FAM91A1: variants seen among roughly 807,000 people sequenced by gnomAD.
FAM91A1 encodes the protein protein FAM91A1.
FAM91A1 carries 41 observed loss-of-function variants against 113.5 expected under a neutral mutation model. The observed-to-expected ratio is 0.36, with a 90% confidence interval of 0.28 to 0.47. The LOEUF (loss-of-function observed/expected upper bound fraction) is 0.47. Ranked by LOEUF, FAM91A1 falls within the 20% of genes least tolerant of loss-of-function variation. The pLI is 1.00. For missense variants in FAM91A1, 696 were observed against 1,001.2 expected, an observed-to-expected ratio of 0.70 and a Z score of 4.11; for synonymous variants, 307 against 347.9, an observed-to-expected ratio of 0.88 and a Z score of 1.31.
At chr8:123,807,140 G>A (rs1213948975) in intron 20 of FAM91A1, among the ~76,000 whole-genome samples, 2 of 151,940 alleles carry the variant, frequency 1.3e-5, no homozygotes, top group Non-Finnish European at 2.9e-5. Context: ...AGATTGGGTT[G>A]GCTCCCATTG....
rs114914851 is a variant in FAM91A1, at chr8:123,814,551, T to C, written c.*1847T>C. The C allele has an allele frequency of 0.013, 2,108 of 158,978 alleles. 36 individuals are homozygous for C. The highest frequency in any genetic ancestry group is 0.028 in the Middle Eastern group (9 of 320). 9.8% of individuals were successfully genotyped at this position (158,978 alleles called of 1,614,324 possible). On this transcript the variant is annotated 3_prime_UTR_variant, in exon 24 of 24. Coordinates refer to ENST00000334705, the MANE Select transcript of FAM91A1 (RefSeq NM_144963.4). ...ATATGGGAATGATTTGCTGCTATAT[T>C]TCCTTTGAGAGAGAAAGGAGGAAGA...
chr8:123,808,317 A>T lies in FAM91A1; in HGVS notation c.2078A>T (p.Glu693Val). ...GGCTCAGATGTAAATGGGAGTACAG[A>T]GTCATTTGAAATGGTCATTGAGGAA... ...ASGSDVNGST[E>V]SFEMVIEEAT... The change falls in exon 21 of 24, where the codon GAG (glutamate) becomes GTG (valine). Residue 693 changes from glutamate to valine, a missense_variant. Transcript: ENST00000334705. 1 of 1,613,542 alleles carries T rather than the reference A, an allele frequency of 6.2e-7. No individual in the cohort carries two copies. The highest frequency in any genetic ancestry group is 8.5e-7 in the Non-Finnish European group (1 of 1,179,686).
rs537324128 is a variant in FAM91A1, at chr8:123,798,110, C to G, written c.1432C>G (p.Arg478Gly). The G allele has an allele frequency of 2.5e-6, 4 of 1,613,458 alleles. No individual in the cohort carries two copies. Among genetic ancestry groups the G allele is most frequent in the Non-Finnish European group, 3.4e-6 (4 of 1,179,792 alleles). ...CTCAGGTTTTCCTCTGGATCTCTTA[C>G]GCTGTGAAAGCCTTCTTGGTTTGGA... is the stretch of plus-strand genomic sequence containing the variant. ...PNYGFPLDLL[R>G]CESLLGLDPA... Residue 478 changes from arginine to glycine, a missense_variant, in exon 16 of 24, where the codon CGC (arginine) becomes GGC (glycine). Transcript: ENST00000334705.
At position 123,815,190 on chromosome 8, in the gene FAM91A1, T is replaced by C. The variant is rs1816044841; in HGVS notation, c.*2486T>C. ...AATCAGATGATTTTATGTTTTTTTT[T>C]CAGGGGAGCGGAATATTGGTTTCTT... On this transcript the variant is annotated 3_prime_UTR_variant, in exon 24 of 24. Transcript: ENST00000334705. The C allele has an allele frequency of 1.3e-5, 2 of 152,630 alleles. No homozygotes were observed. The highest frequency in any genetic ancestry group is 2.1e-4 in the South Asian group (1 of 4,834). The allele number at this position is 152,630 out of a possible 1,614,324, so 9.5% of individuals were successfully genotyped here. A position where few individuals can be genotyped will look rare whatever the true frequency, so the allele number is the denominator to read the frequency against.
At chr8:123,771,744 A>C (rs868799933) in intron 1 of FAM91A1, among the ~76,000 whole-genome samples, 2 of 152,270 alleles carry the variant, frequency 1.3e-5, no homozygotes, top group East Asian at 3.9e-4. Flanking sequence ...GATGCGGCAC[A>C]GGGGTGTACT....
intron 8 of FAM91A1, among the ~76,000 whole-genome samples, chr8:123,782,203 A>G (rs577817409): frequency 6.6e-6 from 1 of 152,220 alleles, no homozygotes; most frequent in Admixed American, 6.5e-5. Context: ...GTGTTCTACC[A>G]TACTTCACTT....
intron 3 of FAM91A1, among the ~76,000 whole-genome samples, 165 bp downstream of exon 3, chr8:123,775,463 A>C (rs1230085568): frequency 6.6e-6 from 1 of 152,238 alleles, no homozygotes; most frequent in Non-Finnish European, 1.5e-5. Context: ...TTTGAGCCAC[A>C]CTGTACAAGT....
chr8:123,799,838 C>T lies in FAM91A1; in HGVS notation c.1762C>T (p.Leu588Phe), dbSNP rs1396715431. ...TGGAGTAGTTCCTACCTCAAATGTG[C>T]TCACGATGTTGAATGATGCTTTAAC... ...DPGVVPTSNV[L>F]TMLNDALTHS... Residue 588 changes from leucine to phenylalanine, a missense_variant, in exon 18 of 24, where the codon CTC becomes TTC. Coordinates refer to ENST00000334705, the MANE Select transcript of FAM91A1 (RefSeq NM_144963.4). 1 of 1,608,520 alleles carries T rather than the reference C, an allele frequency of 6.2e-7. No homozygotes were observed. Among genetic ancestry groups the T allele is most frequent in the Non-Finnish European group, 8.5e-7 (1 of 1,175,638 alleles).
rs776937356 is a variant in FAM91A1 at position 123,777,333 on chromosome 8, A to T, written c.367+11A>T. The T allele has an allele frequency of 6.8e-6, 11 of 1,609,798 alleles. No individual in the cohort carries two copies. Among genetic ancestry groups the T allele is most frequent in the Non-Finnish European group, 8.5e-6 (10 of 1,177,516 alleles). ...TTACTGCTGCTGACTGTAAGTATTT[A>T]ATTGTGCTGAAGAAGGTAATGTTTA... On this transcript the variant is annotated intron_variant, in intron 4 of 23. Coordinates refer to ENST00000334705, the MANE Select transcript of FAM91A1 (RefSeq NM_144963.4).
chr8:123,774,738 G>A lies in FAM91A1; in HGVS notation c.158-409G>A, dbSNP rs530825342. On this transcript the variant is annotated intron_variant, in intron 2 of 23. Transcript: ENST00000334705. The stretch of plus-strand genomic sequence containing the variant: ...TCATGAACATTTTCCATGAAAGTCA[G>A]AGGGCTTTTTACATTTAAAAACTAA... Among the ~76,000 whole-genome samples the A allele has an allele frequency of 2.6e-5, 4 of 152,206 alleles. No homozygotes were observed. In the South Asian group the frequency reaches 8.3e-4, roughly 32 times the overall value.
intron 20 of FAM91A1, among the ~76,000 whole-genome samples, chr8:123,807,299 T>G (rs1276060036): frequency 6.6e-6 from 1 of 152,026 alleles, no homozygotes; most frequent in Non-Finnish European, 1.5e-5. Flanking sequence ...TGTCATTCAT[T>G]CCACAAACAT....
At chr8:123,791,653 CT>C (rs1293655704) in intron 15 of FAM91A1, among the ~76,000 whole-genome samples, 6 of 152,120 alleles carry the variant, frequency 3.9e-5, no homozygotes, top group Admixed American at 1.3e-4. Context: ...ACCAGCATTT[CT>C]TAGCTTAGCT....
rs537151079 is a variant in FAM91A1, at chr8:123,805,140, TGAAA to T, written c.1810-123_1810-120del. ...TTGCTGAAGAAAAATAGAAAATTGT[TGAAA>T]GAATTTTGATGAGGTATTAATATGG... On this transcript the variant is annotated intron_variant, in intron 18 of 23. Coordinates refer to ENST00000334705, the MANE Select transcript of FAM91A1 (RefSeq NM_144963.4). 8.4e-5 allele frequency: 57 copies of T among 675,968 alleles called. No individual in the cohort carries two copies. In the African/African-American group the frequency reaches 9.2e-4, roughly 11 times the overall value. The allele number at this position is 675,968 out of a possible 1,614,324, so 41.9% of individuals were successfully genotyped here. A position where few individuals can be genotyped will look rare whatever the true frequency, so the allele number is the denominator to read the frequency against.
At chr8:123,787,113 G>A (rs958233913) in intron 12 of FAM91A1, 148 bp from the exon 13 acceptor site, 5 of 605,348 alleles carry the variant, frequency 8.3e-6, no homozygotes, top group African/African-American at 7.4e-5. Context: ...AATAGGTATG[G>A]CTGGAACTTC....
At chr8:123,802,445 T>C (rs930640750) in intron 18 of FAM91A1, among the ~76,000 whole-genome samples, 2 of 151,986 alleles carry the variant, frequency 1.3e-5, no homozygotes, top group Non-Finnish European at 2.9e-5. Context: ...CAGGAGGTGG[T>C]GATATCACTA....
At position 123,805,981 on chromosome 8, in the gene FAM91A1, T is replaced by C. The variant is rs748449700; in HGVS notation, c.1883-99T>C. On this transcript the variant is annotated intron_variant, in intron 19 of 23. Coordinates refer to ENST00000334705, the MANE Select transcript of FAM91A1 (RefSeq NM_144963.4). ...GAATCAATTATGATGTATTAAAGTA[T>C]AAAAGTAGTTCTAAGAGTTGTTTAA... 2.6e-4 allele frequency: 308 copies of C among 1,186,846 alleles called. 2 individuals carry two copies. The highest frequency in any genetic ancestry group is 3.1e-4 in the Non-Finnish European group (277 of 888,040). The allele number at this position is 1,186,846 out of a possible 1,614,324, so 73.5% of individuals were successfully genotyped here. A position where few individuals can be genotyped will look rare whatever the true frequency, so the allele number is the denominator to read the frequency against.
At chr8:123,775,064 C>A in intron 2 of FAM91A1, 83 bp from the exon 3 acceptor site, 2 of 1,268,622 alleles carry the variant, frequency 1.6e-6, no homozygotes, top group Non-Finnish European at 2.1e-6. Flanking sequence ...TTTTAAATTA[C>A]TGTTGGTTTG....
Position 123,812,729 on chromosome 8 carries a change from C to T in FAM91A1, c.*25C>T. The T allele has an allele frequency of 6.6e-7, 1 of 1,505,974 alleles. No homozygotes were observed. Among genetic ancestry groups the T allele is most frequent in the Non-Finnish European group, 8.8e-7 (1 of 1,130,412 alleles). The allele number at this position is 1,505,974 out of a possible 1,614,324, so 93.3% of individuals were successfully genotyped here. On this transcript the variant is annotated 3_prime_UTR_variant, in exon 24 of 24. Transcript: ENST00000334705. Reference sequence around the variant, plus strand: ...ATTTGGTTACACCATTTGTTGCTCACACTTTCTGCCTTTTTTCTTTCTTAA... The same window carrying T: ...ATTTGGTTACACCATTTGTTGCTCATACTTTCTGCCTTTTTTCTTTCTTAA...
Position 123,783,115 on chromosome 8 carries a change from G to A in FAM91A1, c.704-1355G>A, listed in dbSNP as rs1173027177. ...TGCTTGAGCCTGGGAGGTCGAAGCTGCAGTAAGCCACAATCCCCACCCTGC... is the reference window on the plus strand; with the variant it reads ...TGCTTGAGCCTGGGAGGTCGAAGCTACAGTAAGCCACAATCCCCACCCTGC... On this transcript the variant is annotated intron_variant, in intron 8 of 23. Coordinates refer to ENST00000334705, the MANE Select transcript of FAM91A1 (RefSeq NM_144963.4). Among the ~76,000 whole-genome samples the A allele has an allele frequency of 2.0e-5, 3 of 152,166 alleles. No homozygotes were observed. In the East Asian group the frequency reaches 5.8e-4, roughly 29 times the overall value.
Sources: gnomAD v4.1 joint callset for allele counts (sites outside exome capture counted in the v4.1 genomes callset) on GRCh38, gnomAD v4.1.1 for gene constraint, MANE v1.5 for transcripts, NCBI Gene and HGNC (gene_info 2026-07-23, HGNC 2026-07-21) for gene names.